The following WNT7B variants were observed in gnomAD, a reference collection of about 807,000 sequenced individuals.
The protein encoded by WNT7B is Wnt family member 7B.
In WNT7B, 19 loss-of-function variants were observed where a neutral mutation model predicts 38.2. The ratio of observed to expected loss-of-function variants is 0.50; its 90% CI spans 0.35 to 0.73. WNT7B has a LOEUF of 0.73. WNT7B is among the 30% of genes least tolerant of loss of function. WNT7B has a pLI of 0.01. For missense variants in WNT7B, 423 were observed against 507.9 expected, an observed-to-expected ratio of 0.83 and a Z score of 1.61; for synonymous variants, 243 against 209.3, an observed-to-expected ratio of 1.16 and a Z score of -1.39.
chr22:45,949,912 G>A lies in WNT7B; in HGVS notation c.298+8C>T, dbSNP rs748603151. ...GGCTGGGCCCCTTGAGCCCAGAGGC[G>A]CCCTTACCTACTCGGAGCTCTTGCC... On this transcript the variant is annotated splice_region_variant and intron_variant, in intron 2 of 3. Coordinates refer to ENST00000339464, the MANE Select transcript of WNT7B (RefSeq NM_058238.3). The A allele has an allele frequency of 2.6e-5, 42 of 1,603,292 alleles. No homozygotes were observed. Among genetic ancestry groups the A allele is most frequent in the South Asian group, 1.4e-4 (13 of 90,886 alleles).
intron 1 of WNT7B, among the ~76,000 whole-genome samples, chr22:45,959,707 C>T (rs1000467223): frequency 3.3e-5 from 5 of 152,160 alleles, no homozygotes; most frequent in Admixed American, 1.3e-4. Flanking sequence ...CCCGCTCTCC[C>T]GCCTCGCTCT....
rs547888602 is a variant in WNT7B, at chr22:45,940,420, G to C, written c.299-9051C>G. Among the ~76,000 whole-genome samples, 101 of 152,022 alleles carry C rather than the reference G, an allele frequency of 6.6e-4. 1 individual carries two copies. Among genetic ancestry groups the C allele is most frequent in the South Asian group, 2.1e-4 (1 of 4,800 alleles). ...AGTCTGCCTTGTGCCTCACTGACCTGGACGCCACGCTTGCCTGTGCCAGCC... is the reference window on the plus strand; with the variant it reads ...AGTCTGCCTTGTGCCTCACTGACCTCGACGCCACGCTTGCCTGTGCCAGCC... On this transcript the variant is annotated intron_variant, in intron 2 of 3. Coordinates refer to ENST00000339464, the MANE Select transcript of WNT7B (RefSeq NM_058238.3).
rs1386506920 is a variant in WNT7B, at chr22:45,925,180, G to A, written c.571-1845C>T. On this transcript the variant is annotated intron_variant, in intron 3 of 3. Transcript: ENST00000339464. The stretch of plus-strand genomic sequence containing the variant: ...CCCAAAGGCTCATCAGGTGGGTGCC[G>A]GGTGGGCCCTAGGCTAGCAGGTGGG... 1.5e-5 allele frequency: 15 copies of A among 980,970 alleles called. No individual in the cohort carries two copies. The Admixed American group carries it at 1.9e-4, about 12-fold the overall frequency. 60.8% of individuals were successfully genotyped at this position (980,970 alleles called of 1,614,324 possible).
chr22:45,930,996 A>G, intron 3 of WNT7B, 102 bp downstream of exon 3: 5 of 1,428,484 alleles, frequency 3.5e-6, no homozygotes, highest in African/African-American at 2.9e-5. Context: ...ACCTACGGAG[A>G]CTCAACTGCT....
At chr22:45,953,371 T>C (rs959481727) in intron 1 of WNT7B, among the ~76,000 whole-genome samples, 2 of 152,280 alleles carry the variant, frequency 1.3e-5, no homozygotes, top group Admixed American at 1.3e-4. Context: ...ACCGTGTCCA[T>C]GCCCCGCTTC....
At chr22:45,957,092 G>A (rs182149656) in intron 1 of WNT7B, among the ~76,000 whole-genome samples, 94 of 132,140 alleles carry the variant, frequency 7.1e-4, no homozygotes, top group South Asian at 2.5e-3. Context: ...GTGACAGAGC[G>A]AGACTCTGTC....
At chr22:45,955,912 T>C (rs1472035015) in intron 1 of WNT7B, among the ~76,000 whole-genome samples, 1 of 152,160 alleles carries the variant, frequency 6.6e-6, no homozygotes, top group African/African-American at 2.4e-5. Flanking sequence ...GCGCAGGCTT[T>C]GAGCCGGCCC....
intron 1 of WNT7B, among the ~76,000 whole-genome samples, chr22:45,969,202 GC>G (rs1379229475): frequency 1.3e-5 from 2 of 152,126 alleles, no homozygotes; most frequent in African/African-American, 4.8e-5. Context: ...CGTGGTAAGT[GC>G]CCCCCCACCC....
At position 45,965,259 on chromosome 22, in the gene WNT7B, T is replaced by G. The variant is rs1932287031; in HGVS notation, c.71+11425A>C. On this transcript the variant is annotated intron_variant, in intron 1 of 3. Coordinates refer to ENST00000339464, the MANE Select transcript of WNT7B (RefSeq NM_058238.3). The surrounding 1 kb of genome is among the most constrained non-coding windows in gnomAD (Gnocchi z 6.5). The stretch of plus-strand genomic sequence containing the variant: ...CAGAGGCTGCCTTACTTGAGAGGTC[T>G]TCCCTGGGCCACCCTCATCACAGAT... Among the ~76,000 whole-genome samples, 1 of 152,192 alleles carries G rather than the reference T, an allele frequency of 6.6e-6. No homozygotes were observed. The highest frequency in any genetic ancestry group is 2.4e-5 in the African/African-American group (1 of 41,448).
intron 1 of WNT7B, among the ~76,000 whole-genome samples, chr22:45,950,477 G>A (rs1224355323): frequency 1.3e-5 from 2 of 152,244 alleles, no homozygotes; most frequent in African/African-American, 4.8e-5. Context: ...AGATCAGACA[G>A]CATCATGCTT....
intron 1 of WNT7B, among the ~76,000 whole-genome samples, chr22:45,968,113 G>A (rs1932352459): frequency 6.6e-6 from 1 of 152,060 alleles, no homozygotes; most frequent in African/African-American, 2.4e-5. Context: ...TGGTGAATGT[G>A]TTTGACAGTA....
chr22:45,959,652 C>T (rs1038076557), intron 1 of WNT7B, among the ~76,000 whole-genome samples: 1 of 152,090 alleles, frequency 6.6e-6, no homozygotes, highest in Non-Finnish European at 1.5e-5. Flanking sequence ...AGTGGGGGTG[C>T]AAATGACCCC....
intron 3 of WNT7B, among the ~76,000 whole-genome samples, chr22:45,923,857 C>T (rs191734554): frequency 2.6e-5 from 4 of 152,318 alleles, no homozygotes; most frequent in Non-Finnish European, 5.9e-5. Context: ...CGGTGGCCCT[C>T]GGCGCACGTT....
intron 3 of WNT7B, among the ~76,000 whole-genome samples, chr22:45,930,607 C>A (rs896771717): frequency 1.3e-5 from 2 of 152,230 alleles, no homozygotes; most frequent in Non-Finnish European, 2.9e-5. Flanking sequence ...GAGCGGCCTG[C>A]TCCCCAGCAG....
At chr22:45,963,541 C>T (rs1932242537) in intron 1 of WNT7B, among the ~76,000 whole-genome samples, 1 of 152,184 alleles carries the variant, frequency 6.6e-6, no homozygotes, top group Admixed American at 6.5e-5. Flanking sequence ...TCCCATTTTA[C>T]AGAGGCGGCT....
intron 1 of WNT7B, chr22:45,972,115 A>AGGGGGGGGGGGGGGGGGGG: frequency 2.8e-6 from 1 of 356,306 alleles, no homozygotes; most frequent in South Asian, 2.4e-5. Flanking sequence ...GCCCGGGGGG[A>AGGGGGGGGGGGGGGGGGGG]GCCCACCCGC....
rs1417772513 is a variant in WNT7B, at chr22:45,951,539, A to G, written c.72-1393T>C. On this transcript the variant is annotated intron_variant, in intron 1 of 3. Coordinates refer to ENST00000339464, the MANE Select transcript of WNT7B (RefSeq NM_058238.3). This position sits in a 1 kb window ranked among gnomAD's most constrained non-coding sequence, Gnocchi z 4.8. Reference sequence around the variant, plus strand: ...CAGAAGGAAACTGTACCCATCAGTCACTCCCCGTTCTCCCCTCCCCGACCC... The same window carrying G: ...CAGAAGGAAACTGTACCCATCAGTCGCTCCCCGTTCTCCCCTCCCCGACCC... Among the ~76,000 whole-genome samples the G allele has an allele frequency of 6.7e-6, 1 of 150,088 alleles. No individual in the cohort carries two copies. The highest frequency in any genetic ancestry group is 1.5e-5 in the Non-Finnish European group (1 of 67,556).
At chr22:45,929,984 AACTT>A (rs1272067667) in intron 3 of WNT7B, among the ~76,000 whole-genome samples, 2 of 59,868 alleles carry the variant, frequency 3.3e-5, no homozygotes, top group African/African-American at 1.7e-4. Context: ...ATCCAACAAT[AACTT>A]AATAACCACC....
At position 45,975,650 on chromosome 22, in the gene WNT7B, C is replaced by T; in HGVS notation, c.71+1034G>A. On this transcript the variant is annotated intron_variant, in intron 1 of 3. Transcript: ENST00000339464. The surrounding 1 kb of genome is among the most constrained non-coding windows in gnomAD (Gnocchi z 6.6). ...GAAGCCGCGTCTCCCACCAGTGGTA[C>T]CTGCACCTGCCCCTCCCGCGGGTCT... The T allele has an allele frequency of 1.4e-6, 1 of 704,156 alleles. No individual in the cohort carries two copies. Among genetic ancestry groups the T allele is most frequent in the Non-Finnish European group, 2.6e-6 (1 of 377,600 alleles). 43.6% of individuals were successfully genotyped at this position (704,156 alleles called of 1,614,324 possible).
Sources: gnomAD v4.1 joint callset for allele counts (sites outside exome capture counted in the v4.1 genomes callset) on GRCh38, gnomAD v4.1.1 for gene constraint, Gnocchi (gnomAD v3.1) non-coding constraint, MANE v1.5 for transcripts, NCBI Gene and HGNC (gene_info 2026-07-23, HGNC 2026-07-21) for gene names.